The following TGM2 variants were observed in gnomAD, a reference collection of about 807,000 sequenced individuals.
TGM2 encodes the protein transglutaminase 2, also known as protein-glutamine gamma-glutamyltransferase 2.
A neutral mutation model predicts 75.6 loss-of-function variants in TGM2; 53 were observed. That is an observed-to-expected ratio of 0.70 (90% CI 0.56 to 0.88). TGM2 has a LOEUF of 0.88. TGM2 is among the 40% of genes least tolerant of loss of function. The pLI, the probability that TGM2 is intolerant of heterozygous loss-of-function variation, is 0.00. For missense variants in TGM2, 842 were observed against 928.5 expected, an observed-to-expected ratio of 0.91 and a Z score of 1.21; for synonymous variants, 374 against 381.1, an observed-to-expected ratio of 0.98 and a Z score of 0.22.
intron 2 of TGM2, among the ~76,000 whole-genome samples, chr20:38,158,305 G>A (rs6127267): frequency 6.6e-5 from 10 of 152,190 alleles, no homozygotes; most frequent in Non-Finnish European, 1.3e-4. Flanking sequence ...GCTGTCCCAC[G>A]GTCCACCCGC....
chr20:38,150,890 C>T, intron 4 of TGM2, 49 bp downstream of exon 4: 1 of 1,408,686 alleles, frequency 7.1e-7, no homozygotes. Flanking sequence ...CAGGGCCGGG[C>T]ACACAGAAGG....
rs1204317438 is a variant in TGM2 at position 38,130,078 on chromosome 20, A to G, written c.*141T>C. 1.9e-5 allele frequency: 22 copies of G among 1,142,552 alleles called. No homozygotes were observed. Among genetic ancestry groups the G allele is most frequent in the Non-Finnish European group, 2.6e-5 (21 of 804,540 alleles). 70.8% of individuals were successfully genotyped at this position (1,142,552 alleles called of 1,614,324 possible). A position where few individuals can be genotyped will look rare whatever the true frequency, so the allele number is the denominator to read the frequency against. ...GGAGGCTGAGATGGGCCAGGGGCAC[A>G]TTCCATTTCCGAGAGCCCCCATAGG... On this transcript the variant is annotated 3_prime_UTR_variant, in exon 13 of 13. Transcript: ENST00000361475.
chr20:38,143,821 G>A (rs530742947), intron 6 of TGM2, among the ~76,000 whole-genome samples: 7 of 152,366 alleles, frequency 4.6e-5, no homozygotes, highest in Admixed American at 2.0e-4. Context: ...GAGTTTGGGA[G>A]TGGGGGAGAA....
At chr20:38,134,469 A>C (rs958155322) in intron 10 of TGM2, among the ~76,000 whole-genome samples, 10 of 152,210 alleles carry the variant, frequency 6.6e-5, no homozygotes, top group African/African-American at 2.4e-4. Context: ...ACTGTCGACT[A>C]TTCTAGGAGG....
chr20:38,165,732 A>G (rs1220183829), upstream of TGM2, among the ~76,000 whole-genome samples: 1 of 151,864 alleles, frequency 6.6e-6, no homozygotes. Flanking sequence ...TCAGATATAC[A>G]TACACAGAGA....
chr20:38,151,280 G>C (rs1313036653), intron 3 of TGM2, among the ~76,000 whole-genome samples: 1 of 152,224 alleles, frequency 6.6e-6, no homozygotes, highest in Non-Finnish European at 1.5e-5. Flanking sequence ...AACACTCACT[G>C]TGTGCCAGGA....
chr20:38,129,840 C>T lies in TGM2; in HGVS notation c.*379G>A, dbSNP rs2122837212. On this transcript the variant is annotated 3_prime_UTR_variant, in exon 13 of 13. Coordinates refer to ENST00000361475, the MANE Select transcript of TGM2 (RefSeq NM_004613.4). ...TTCCCTGATCCAGCCAAGGGGCATG[C>T]TGTCCCTTTTTTGCCTGCTCCAAGG... 1 of 252,934 alleles carries T rather than the reference C, an allele frequency of 4.0e-6. No individual in the cohort carries two copies. The highest frequency in any genetic ancestry group is 9.7e-5 in the East Asian group (1 of 10,358). 15.7% of individuals were successfully genotyped at this position (252,934 alleles called of 1,614,324 possible).
At chr20:38,135,224 C>T (rs1407103841) in intron 10 of TGM2, among the ~76,000 whole-genome samples, 1 of 152,198 alleles carries the variant, frequency 6.6e-6, no homozygotes, top group Non-Finnish European at 1.5e-5. Context: ...GCCTGGAGTT[C>T]ACCTCATGCC....
In TGM2 at chr20:38,136,146, G is replaced by A. The variant is rs371220558; in HGVS notation, c.1615+1967C>T. On this transcript the variant is annotated intron_variant, in intron 10 of 12. Transcript: ENST00000361475. ...CCTGCTGAGGAGTCTGCCCCGGGCCGGACAGTGGGTGTGCCCAGGGCGTGC... is the reference window on the plus strand; with the variant it reads ...CCTGCTGAGGAGTCTGCCCCGGGCCAGACAGTGGGTGTGCCCAGGGCGTGC... Among the ~76,000 whole-genome samples the A allele has an allele frequency of 1.0e-3, 156 of 152,286 alleles. 1 individual carries two copies. The highest frequency in any genetic ancestry group is 5.2e-3 in the East Asian group (27 of 5,180).
chr20:38,148,683 A>G (rs890018178), intron 4 of TGM2, among the ~76,000 whole-genome samples: 1 of 151,460 alleles, frequency 6.6e-6, no homozygotes, highest in Admixed American at 6.6e-5. Flanking sequence ...CCCCTTTTTG[A>G]CCTCATCTCT....
intron 7 of TGM2, 22 bp from the exon 8 acceptor site, chr20:38,141,407 G>C (rs1396945464): frequency 9.2e-6 from 14 of 1,521,990 alleles, no homozygotes; most frequent in Non-Finnish European, 1.3e-5. Flanking sequence ...AGGGGGGCGG[G>C]AATGAAGCAG....
chr20:38,140,493 G>A (rs935203443), intron 8 of TGM2, among the ~76,000 whole-genome samples: 2 of 152,126 alleles, frequency 1.3e-5, no homozygotes, highest in African/African-American at 4.8e-5. Flanking sequence ...GGGAAAAAAG[G>A]GTATCTTTGT....
At chr20:38,166,668 A>G (rs1304610359), upstream of TGM2, 1 of 152,238 alleles carries the variant, frequency 6.6e-6, no homozygotes, top group African/African-American at 2.4e-5. Context: ...TTTGGAAGAT[A>G]GAAGTAGCCC....
upstream of TGM2, among the ~76,000 whole-genome samples, chr20:38,168,343 A>C (rs2075325616): frequency 6.6e-6 from 1 of 152,200 alleles, no homozygotes; most frequent in African/African-American, 2.4e-5. Context: ...CATTTGTTCA[A>C]AGGGACTGGG....
rs1008265803 is a variant in TGM2 at position 38,128,749 on chromosome 20, G to T, written c.*1470C>A. 1 of 152,224 alleles carries T rather than the reference G, an allele frequency of 6.6e-6. No individual in the cohort carries two copies. The highest frequency in any genetic ancestry group is 2.4e-5 in the African/African-American group (1 of 41,440). 9.4% of individuals were successfully genotyped at this position (152,224 alleles called of 1,614,324 possible). On this transcript the variant is annotated 3_prime_UTR_variant, in exon 13 of 13. Coordinates refer to ENST00000361475, the MANE Select transcript of TGM2 (RefSeq NM_004613.4). ...GAATCCCCAATTCTTCCAGCCCAAG[G>T]GAGGCCCAGTCATGTAGAAAGAGCA...
chr20:38,149,406 G>A (rs975880213), intron 4 of TGM2, among the ~76,000 whole-genome samples: 2 of 152,132 alleles, frequency 1.3e-5, no homozygotes, highest in Admixed American at 6.5e-5. Flanking sequence ...GGCCGGGCGC[G>A]GTGGCTCACG....
chr20:38,155,836 G>T lies in TGM2; in HGVS notation c.433+11C>A, dbSNP rs574490764. The T allele has an allele frequency of 1.9e-6, 3 of 1,593,734 alleles. No homozygotes were observed. Among genetic ancestry groups the T allele is most frequent in the Non-Finnish European group, 2.6e-6 (3 of 1,171,030 alleles). On this transcript the variant is annotated intron_variant, in intron 3 of 12. Coordinates refer to ENST00000361475, the MANE Select transcript of TGM2 (RefSeq NM_004613.4). ...CACCCCAACGCTGTGAGTGGATGGC[G>T]TGTGGCTCACCTGGGCACCAGGCGT...
At chr20:38,134,446 AG>A (rs1218360867) in intron 10 of TGM2, among the ~76,000 whole-genome samples, 1 of 152,216 alleles carries the variant, frequency 6.6e-6, no homozygotes. Flanking sequence ...GGGGGCTTGG[AG>A]GATGTGGCCC....
At chr20:38,142,034 G>T (rs2074981086) in intron 7 of TGM2, 30 bp downstream of exon 7, 3 of 1,613,616 alleles carry the variant, frequency 1.9e-6, no homozygotes, top group Non-Finnish European at 2.5e-6. Context: ...TCCCTACTGG[G>T]CTCCGATCCC....
Sources: allele counts gnomAD v4.1 joint callset (sites outside exome capture counted in the v4.1 genomes callset), GRCh38; gene constraint gnomAD v4.1.1; transcripts MANE v1.5; gene names NCBI Gene and HGNC (gene_info 2026-07-23, HGNC 2026-07-21).